Variants in GALNT17 observed in about 807,000 individuals in gnomAD.
GALNT17 encodes UDP-GalNAc:polypeptide N-acetylgalactosaminyltransferase-like 3.
A neutral mutation model predicts 63.7 loss-of-function variants in GALNT17; 29 were observed. That is an observed-to-expected ratio of 0.46 (90% CI 0.34 to 0.62). GALNT17 has a LOEUF of 0.62. Among genes scored for constraint, GALNT17 ranks in the 20% least tolerant of loss-of-function variants. GALNT17 has a pLI of 0.01. For missense variants in GALNT17, 603 were observed against 799.6 expected (o/e 0.75, Z 2.97); for synonymous variants, 305 against 318.3 (o/e 0.96, Z 0.45).
At chr7:71,136,681 C>T (rs1033512689) in intron 1 of GALNT17, among the ~76,000 whole-genome samples, 6 of 151,924 alleles carry the variant, frequency 3.9e-5, no homozygotes, top group African/African-American at 4.8e-5. Flanking sequence ...GACGGGTTTT[C>T]GCCATGTTGG....
intron 1 of GALNT17, among the ~76,000 whole-genome samples, chr7:71,140,730 A>G (rs1162284364): frequency 1.3e-5 from 2 of 152,180 alleles, no homozygotes; most frequent in Admixed American, 6.5e-5. Context: ...CTTTAAGAAT[A>G]TATAAGAAGA....
intron 6 of GALNT17, among the ~76,000 whole-genome samples, chr7:71,585,182 A>G (rs1036860974): frequency 2.0e-5 from 3 of 152,126 alleles, no homozygotes; most frequent in Non-Finnish European, 4.4e-5. Context: ...AAGCTCTGCT[A>G]TGAACTTCCT....
At chr7:71,452,224 CAGAG>C (rs1192750983) in intron 5 of GALNT17, among the ~76,000 whole-genome samples, 1 of 150,876 alleles carries the variant, frequency 6.6e-6, no homozygotes, top group Non-Finnish European at 1.5e-5. Flanking sequence ...GCCTGGGTGA[CAGAG>C]TGAGGCTCTC....
chr7:71,499,231 G>A (rs1349095378), intron 5 of GALNT17, among the ~76,000 whole-genome samples: 1 of 152,110 alleles, frequency 6.6e-6, no homozygotes, highest in Non-Finnish European at 1.5e-5. Flanking sequence ...GGCCCCTATT[G>A]GGGCAGGGTT....
Position 71,665,421 on chromosome 7 carries a change from G to T in GALNT17, c.1091G>T (p.Cys364Phe), listed in dbSNP as rs559719268. ...TCTTTGTACCCCTAGGTATGGCTCT[G>T]TGGGGGCAGCATGGAGGTCCTTCCT... ...NIELGIKVWL[C>F]GGSMEVLPCS... The change falls in exon 7 of 11, where the codon TGT (cysteine) becomes TTT (phenylalanine). Residue 364 changes from cysteine (C) to phenylalanine (F), a missense_variant. This residue lies in a region of GALNT17 where 336 missense variants were observed against 507.8 expected (regional missense o/e 0.66). Coordinates refer to ENST00000333538, the MANE Select transcript of GALNT17 (RefSeq NM_022479.3). 6.2e-7 allele frequency: 1 copy of T among 1,610,782 alleles called. No individual in the cohort carries two copies. Among genetic ancestry groups the T allele is most frequent in the Admixed American group, 1.7e-5 (1 of 59,520 alleles).
intron 5 of GALNT17, among the ~76,000 whole-genome samples, chr7:71,516,173 T>TA (rs1422149948): frequency 2.0e-5 from 3 of 152,154 alleles, no homozygotes; most frequent in Non-Finnish European, 4.4e-5. Context: ...GATTTTAATT[T>TA]ATGTTGTCAG....
intron 3 of GALNT17, among the ~76,000 whole-genome samples, chr7:71,394,838 A>T (rs1353906152): frequency 6.6e-6 from 1 of 152,194 alleles, no homozygotes; most frequent in Non-Finnish European, 1.5e-5. Context: ...ACTGTGGCTC[A>T]CACCTGTAAT....
At chr7:71,294,937 C>G (rs1313439414) in intron 1 of GALNT17, among the ~76,000 whole-genome samples, 2 of 152,134 alleles carry the variant, frequency 1.3e-5, no homozygotes, top group African/African-American at 4.8e-5. Context: ...CTGCGATAGT[C>G]TGCATTAATG....
intron 1 of GALNT17, among the ~76,000 whole-genome samples, chr7:71,261,868 G>A (rs895417665): frequency 6.6e-6 from 1 of 152,120 alleles, no homozygotes; most frequent in Non-Finnish European, 1.5e-5. Context: ...TTTTCACATT[G>A]CCACCTCCAT....
At chr7:71,263,324 A>G (rs1427114748) in intron 1 of GALNT17, among the ~76,000 whole-genome samples, 1 of 152,042 alleles carries the variant, frequency 6.6e-6, no homozygotes, top group African/African-American at 2.4e-5. Context: ...GCGCTACTGC[A>G]CTCCAGCCTT....
intron 1 of GALNT17, among the ~76,000 whole-genome samples, chr7:71,137,523 T>C (rs1425431314): frequency 6.6e-6 from 1 of 152,148 alleles, no homozygotes; most frequent in Non-Finnish European, 1.5e-5. Flanking sequence ...TATTGGTTGA[T>C]CAAGTTGTTG....
At chr7:71,134,137 C>T (rs1225068092) in intron 1 of GALNT17, among the ~76,000 whole-genome samples, 2 of 152,122 alleles carry the variant, frequency 1.3e-5, no homozygotes, top group Admixed American at 1.3e-4. Flanking sequence ...AACTAAGTTG[C>T]CCTGTGTTAA....
rs1345329096 is a variant in GALNT17 at position 71,143,426 on chromosome 7, G to GA, written c.238+10389dup. ...CTGTCTCAAAAAAAAAAAAAAAAAA[G>GA]AAAGAAAAGAAATGGATGCCCTTGA... On this transcript the variant is annotated intron_variant, in intron 1 of 10. Coordinates refer to ENST00000333538, the MANE Select transcript of GALNT17 (RefSeq NM_022479.3). Among the ~76,000 whole-genome samples the GA allele has an allele frequency of 1.2e-4, 15 of 129,654 alleles. No homozygotes were observed. The East Asian group carries it at 3.6e-3, about 31-fold the overall frequency. 85.1% of individuals were successfully genotyped at this position (129,654 alleles called of 152,430 possible).
At chr7:71,319,730 A>G (rs1046845815) in intron 1 of GALNT17, among the ~76,000 whole-genome samples, 3 of 152,164 alleles carry the variant, frequency 2.0e-5, no homozygotes, top group Non-Finnish European at 4.4e-5. Flanking sequence ...TAACACCAAC[A>G]TTCAACATCC....
intron 5 of GALNT17, among the ~76,000 whole-genome samples, chr7:71,551,230 A>G (rs1789071454): frequency 6.6e-6 from 1 of 152,094 alleles, no homozygotes; most frequent in East Asian, 1.9e-4. Flanking sequence ...AGCTGTGTCT[A>G]ATCTGCTGAT....
At chr7:71,704,523 T>A (rs542810295) in intron 9 of GALNT17, among the ~76,000 whole-genome samples, 2 of 144,342 alleles carry the variant, frequency 1.4e-5, no homozygotes, top group South Asian at 2.2e-4. Context: ...GAAAAGCTAA[T>A]CCTAAAATAC....
At chr7:71,316,511 T>C (rs111860475) in intron 1 of GALNT17, among the ~76,000 whole-genome samples, 3 of 152,140 alleles carry the variant, frequency 2.0e-5, no homozygotes, top group African/African-American at 7.2e-5. Context: ...TTGATTATTG[T>C]GAGGTTTGCA....
intron 1 of GALNT17, among the ~76,000 whole-genome samples, chr7:71,278,115 A>T (rs552128824): frequency 3.3e-4 from 51 of 152,342 alleles, no homozygotes; most frequent in African/African-American, 1.1e-3. Flanking sequence ...TAATAATGAT[A>T]CTAAGAAAAG....
intron 2 of GALNT17, among the ~76,000 whole-genome samples, chr7:71,350,480 A>C (rs73702811): frequency 0.011 from 1,705 of 152,328 alleles, 28 homozygotes; most frequent in African/African-American, 0.039. Flanking sequence ...AATTCAACCA[A>C]CTAAGGATGA....
Sources: allele counts gnomAD v4.1 joint callset (sites outside exome capture counted in the v4.1 genomes callset), GRCh38; gene constraint gnomAD v4.1.1; regional missense constraint gnomAD v4.1.1; transcripts MANE v1.5; gene names NCBI Gene and HGNC (gene_info 2026-07-23, HGNC 2026-07-21).